Variants in KIF26B observed in about 807,000 individuals in gnomAD.
KIF26B encodes kinesin-like protein KIF26B.
KIF26B carries 63 observed loss-of-function variants against 151.2 expected under a neutral mutation model. That is an observed-to-expected ratio of 0.42 (90% CI 0.34 to 0.51). The LOEUF is 0.51. Among genes scored for constraint, KIF26B ranks in the 20% least tolerant of loss-of-function variants. The pLI is 0.07. For missense variants in KIF26B, 2,813 were observed against 2,913.6 expected (o/e 0.97, Z 0.79); for synonymous variants, 1,357 against 1,262.1 (o/e 1.08, Z -1.59).
intron 2 of KIF26B, among the ~76,000 whole-genome samples, chr1:245,191,771 G>A (rs1306197760): frequency 6.6e-6 from 1 of 152,108 alleles, no homozygotes; most frequent in Non-Finnish European, 1.5e-5. Flanking sequence ...AGTAGTTTAA[G>A]GGACAAAGGC....
chr1:245,353,099 G>A (rs563234786), intron 2 of KIF26B, among the ~76,000 whole-genome samples: 2 of 152,222 alleles, frequency 1.3e-5, no homozygotes, highest in East Asian at 3.8e-4. Context: ...GTTAAAGATA[G>A]TCAGAAGGCT....
intron 3 of KIF26B, among the ~76,000 whole-genome samples, chr1:245,374,463 T>C (rs1005415271): frequency 6.6e-6 from 1 of 151,804 alleles, no homozygotes; most frequent in Non-Finnish European, 1.5e-5. Context: ...GGGGTGGGTG[T>C]TTCCAGCAGG....
At chr1:245,673,711 T>C (rs558602109) in intron 10 of KIF26B, 32 of 152,264 alleles carry the variant, frequency 2.1e-4, no homozygotes, top group African/African-American at 7.7e-4. Context: ...TCACTCACAC[T>C]CATGGAAAAG....
At chr1:245,235,384 G>A (rs572223176) in intron 2 of KIF26B, among the ~76,000 whole-genome samples, 1 of 152,068 alleles carries the variant, frequency 6.6e-6, no homozygotes, top group African/African-American at 2.4e-5. Flanking sequence ...TCGAGGCCAG[G>A]AGTTCCAGAC....
At chr1:245,197,513 C>T (rs1412748837) in intron 2 of KIF26B, among the ~76,000 whole-genome samples, 1 of 152,096 alleles carries the variant, frequency 6.6e-6, no homozygotes, top group Non-Finnish European at 1.5e-5. Context: ...CACACACGTG[C>T]TCACACACTT....
chr1:245,362,181 G>A (rs1672836132), intron 2 of KIF26B, among the ~76,000 whole-genome samples: 1 of 151,242 alleles, frequency 6.6e-6, no homozygotes, highest in East Asian at 2.0e-4. Context: ...TCAAGCACAG[G>A]CGGATCAGGA....
At chr1:245,388,328 A>G (rs1463622892) in intron 3 of KIF26B, among the ~76,000 whole-genome samples, 2 of 152,264 alleles carry the variant, frequency 1.3e-5, no homozygotes, top group South Asian at 2.1e-4. Context: ...AATAGCTCAC[A>G]TGGAAAATAT....
intron 4 of KIF26B, among the ~76,000 whole-genome samples, chr1:245,498,751 C>T (rs1660560467): frequency 6.6e-6 from 1 of 152,126 alleles, no homozygotes; most frequent in African/African-American, 2.4e-5. Flanking sequence ...CAGTTTCCAC[C>T]CACTGCCCTC....
intron 4 of KIF26B, among the ~76,000 whole-genome samples, chr1:245,450,926 ATGC>A (rs879625742): frequency 6.6e-6 from 1 of 152,242 alleles, no homozygotes; most frequent in Non-Finnish European, 1.5e-5. Context: ...TAAGATAGAT[ATGC>A]TGCTAAGTAA....
chr1:245,264,880 G>A (rs1442641822), intron 2 of KIF26B, among the ~76,000 whole-genome samples: 2 of 148,654 alleles, frequency 1.3e-5, no homozygotes, highest in Admixed American at 6.8e-5. Flanking sequence ...GGGACAGAGC[G>A]AGACTCCGTC....
intron 4 of KIF26B, among the ~76,000 whole-genome samples, chr1:245,521,917 TGGA>T (rs1661121922): frequency 9.4e-6 from 1 of 106,854 alleles, no homozygotes; most frequent in Non-Finnish European, 2.4e-5. Context: ...CCAGGCTGGA[TGGA>T]GTGCAGTGGT....
intron 4 of KIF26B, among the ~76,000 whole-genome samples, chr1:245,460,271 G>A (rs1435025459): frequency 6.6e-6 from 1 of 152,094 alleles, no homozygotes; most frequent in Non-Finnish European, 1.5e-5. Context: ...TGGCCCAGAG[G>A]TTTGTTTTTT....
Position 245,686,181 on chromosome 1 carries a change from C to T in KIF26B, c.3198C>T (p.Pro1066=). The T allele has an allele frequency of 6.2e-7, 1 of 1,612,472 alleles. No homozygotes were observed. Among genetic ancestry groups the T allele is most frequent in the Non-Finnish European group, 8.5e-7 (1 of 1,179,798 alleles). Residue 1066 remains proline (P), a synonymous_variant, in exon 12 of 15, where the codon CCC becomes CCT. Coordinates refer to ENST00000407071, the MANE Select transcript of KIF26B (RefSeq NM_018012.4). The surrounding 1 kb of genome is among the most constrained non-coding windows in gnomAD (Gnocchi z 5.6). The stretch of plus-strand genomic sequence containing the variant: ...GCAAGCCCAGGCCCATGGGCTCCCC[C>T]CGGCTGGGCATCGCCAGCCTGTCCA... ...VEGKPRPMGS[P]RLGIASLSKT...
intron 4 of KIF26B, among the ~76,000 whole-genome samples, chr1:245,515,104 A>G (rs1452974782): frequency 6.6e-6 from 1 of 152,136 alleles, no homozygotes; most frequent in Non-Finnish European, 1.5e-5. Context: ...TAACCATTTG[A>G]GTGATCTTAA....
chr1:245,488,146 TC>T lies in KIF26B; in HGVS notation c.1167-52619del, dbSNP rs980128549. Among the ~76,000 whole-genome samples, 4 of 152,064 alleles carry T rather than the reference TC, an allele frequency of 2.6e-5. No individual in the cohort carries two copies. The highest frequency in any genetic ancestry group is 4.4e-5 in the Non-Finnish European group (3 of 68,000). On this transcript the variant is annotated intron_variant, in intron 4 of 14. Transcript: ENST00000407071. The surrounding 1 kb of genome is among the most constrained non-coding windows in gnomAD (Gnocchi z 4.6). ...TATGTTGCACAGGCTGGTTTCAAAC[TC>T]CTGGACTCAAGCCATCTGCCCATCT...
chr1:245,695,684 T>G lies in KIF26B; in HGVS notation c.5825-2422T>G, dbSNP rs578216674. On this transcript the variant is annotated intron_variant, in intron 12 of 14. Transcript: ENST00000407071. ...TGGAAAGGAGGCAATGGGAAGGAAGTAGATACCCGCCAGGATATTTCTGTG... is the reference window on the plus strand; with the variant it reads ...TGGAAAGGAGGCAATGGGAAGGAAGGAGATACCCGCCAGGATATTTCTGTG... Among the ~76,000 whole-genome samples the G allele has an allele frequency of 2.6e-5, 4 of 152,248 alleles. No individual in the cohort carries two copies. In the East Asian group the frequency reaches 7.7e-4, roughly 29 times the overall value.
intron 10 of KIF26B, among the ~76,000 whole-genome samples, chr1:245,672,198 G>A (rs1052424275): frequency 6.6e-6 from 1 of 152,118 alleles, no homozygotes; most frequent in African/African-American, 2.4e-5. Context: ...TGGCATCGGC[G>A]CTTCACCAGG....
intron 6 of KIF26B, among the ~76,000 whole-genome samples, chr1:245,605,629 G>A (rs2043443450): frequency 6.6e-6 from 1 of 152,138 alleles, no homozygotes; most frequent in Non-Finnish European, 1.5e-5. Context: ...TTGTGGGCAG[G>A]CAGAGCCTTC....
At chr1:245,580,463 A>G (rs1171383774) in intron 5 of KIF26B, among the ~76,000 whole-genome samples, 1 of 152,242 alleles carries the variant, frequency 6.6e-6, no homozygotes, top group African/African-American at 2.4e-5. Flanking sequence ...GGCTAATTAG[A>G]TAGACCAGGG....
Sources: allele counts gnomAD v4.1 joint callset (sites outside exome capture counted in the v4.1 genomes callset), GRCh38; gene constraint gnomAD v4.1.1; non-coding constraint Gnocchi (gnomAD v3.1); transcripts MANE v1.5; gene names NCBI Gene and HGNC (gene_info 2026-07-23, HGNC 2026-07-21).